ELMOD3: variants seen among roughly 807,000 people sequenced by gnomAD.
ELMOD3 encodes the protein ELMO domain-containing protein 3.
Under a neutral mutation model 47.4 loss-of-function variants are expected in ELMOD3, and 36 were observed. That is an observed-to-expected ratio of 0.76 (90% CI 0.58 to 1.00). The LOEUF is 1.00. ELMOD3 is among the 50% of genes least tolerant of loss of function. The probability of loss-of-function intolerance (pLI) is 0.00; values close to 1 mark genes in which losing one functional copy is unlikely to be tolerated. For missense variants in ELMOD3, 404 were observed against 463.8 expected, an observed-to-expected ratio of 0.87 and a Z score of 1.18; for synonymous variants, 149 against 183.5, an observed-to-expected ratio of 0.81 and a Z score of 1.52.
At chr2:85,373,259 T>TA (rs1263737270) in intron 10 of ELMOD3, among the ~76,000 whole-genome samples, 1 of 151,890 alleles carries the variant, frequency 6.6e-6, no homozygotes, top group African/African-American at 2.4e-5. Context: ...TCAAAAAATT[T>TA]TAAAAAAAAG....
intron 11 of ELMOD3, among the ~76,000 whole-genome samples, chr2:85,380,844 A>G (rs558355390): frequency 6.6e-6 from 1 of 152,186 alleles, no homozygotes; most frequent in East Asian, 1.9e-4. Context: ...TGATTATAAA[A>G]CCACCTTCTA....
intron 6 of ELMOD3, among the ~76,000 whole-genome samples, chr2:85,367,871 C>A (rs1449253458): frequency 6.6e-6 from 1 of 151,764 alleles, no homozygotes; most frequent in Non-Finnish European, 1.5e-5. Context: ...TGTGGAGAAT[C>A]CCTGGAGGGT....
At position 85,363,137 on chromosome 2, in the gene ELMOD3, C is replaced by T. The variant is rs1018383590; in HGVS notation, c.170C>T (p.Thr57Ile). 1 of 1,612,200 alleles carries T rather than the reference C, an allele frequency of 6.2e-7. No homozygotes were observed. The highest frequency in any genetic ancestry group is 1.3e-5 in the African/African-American group (1 of 74,850). ...LKNHGILQAL[T>I]TEAYEWEPRV... ...AACCATGGCATTCTCCAGGCTCTGA[C>T]CACAGAAGCTTATGAATGGGAGCCA... The change falls in exon 6 of 14, where the codon ACC becomes ATC. Residue 57 changes from threonine (T) to isoleucine (I), a missense_variant. Coordinates refer to ENST00000409013, the MANE Select transcript of ELMOD3 (RefSeq NM_001135022.2).
In ELMOD3 at chr2:85,371,084, A is replaced by C. The variant is rs755795191; in HGVS notation, c.361-2A>C. 8 of 1,613,674 alleles carry C rather than the reference A, an allele frequency of 5.0e-6. No individual in the cohort carries two copies. Among genetic ancestry groups the C allele is most frequent in the Non-Finnish European group, 5.9e-6 (7 of 1,179,626 alleles). On this transcript the variant is annotated splice_acceptor_variant, in intron 8 of 13. Coordinates refer to ENST00000409013, the MANE Select transcript of ELMOD3 (RefSeq NM_001135022.2). LOFTEE classifies it high-confidence loss of function. The stretch of plus-strand genomic sequence containing the variant: ...GCCCATTGCCTGCAACTTCTTCCCC[A>C]GAAAAGAATCCAGCCAACTATTCGA...
At chr2:85,379,244 C>T (rs914695667) in intron 11 of ELMOD3, among the ~76,000 whole-genome samples, 1 of 152,162 alleles carries the variant, frequency 6.6e-6, no homozygotes, top group African/African-American at 2.4e-5. Context: ...TCGCTGTGTC[C>T]TGTTGCCCAG....
At chr2:85,374,492 C>A (rs998926352) in intron 10 of ELMOD3, among the ~76,000 whole-genome samples, 4 of 152,136 alleles carry the variant, frequency 2.6e-5, no homozygotes, top group Non-Finnish European at 5.9e-5. Flanking sequence ...CAGGCCTGTG[C>A]CACCACACCC....
chr2:85,360,428 G>T (rs996675209), intron 4 of ELMOD3, among the ~76,000 whole-genome samples: 1 of 150,364 alleles, frequency 6.7e-6, no homozygotes, highest in Non-Finnish European at 1.5e-5. Context: ...ATCTCAGCTC[G>T]CTGCAACTTC....
rs1241500417 is a variant in ELMOD3, at chr2:85,368,714, A to G, written c.228A>G (p.Gln76=). The G allele has an allele frequency of 5.6e-6, 9 of 1,614,000 alleles. No homozygotes were observed. The highest frequency in any genetic ancestry group is 7.6e-6 in the Non-Finnish European group (9 of 1,180,020). ...RVVSTEVVRA[Q]EEWEAVDTIQ... ...TGAGTACAGAGGTGGTCAGAGCCCA[A>G]GAAGAATGGGAAGCTGTGGACACCA... The change falls in exon 7 of 14, where the codon CAA becomes CAG. Residue 76 remains glutamine, a synonymous_variant. Coordinates refer to ENST00000409013, the MANE Select transcript of ELMOD3 (RefSeq NM_001135022.2).
rs538554983 is a variant in ELMOD3, at chr2:85,360,192, G to A, written c.55-1994G>A. Among the ~76,000 whole-genome samples the A allele has an allele frequency of 4.0e-5, 6 of 150,612 alleles. No individual in the cohort carries two copies. The South Asian group carries it at 1.3e-3, about 32-fold the overall frequency. ...GAGGCAGGAGAATCACTTGAACCTG[G>A]GAGGCATAGGTTGAGGTGAGCCGAG... On this transcript the variant is annotated intron_variant, in intron 4 of 13. Coordinates refer to ENST00000409013, the MANE Select transcript of ELMOD3 (RefSeq NM_001135022.2).
intron 13 of ELMOD3, chr2:85,390,558 A>ACC: frequency 6.4e-7 from 1 of 1,563,116 alleles, no homozygotes. Context: ...TTGTGCAGAC[A>ACC]AGGTAGAGTG....
intron 11 of ELMOD3, among the ~76,000 whole-genome samples, chr2:85,378,646 G>A (rs1230230996): frequency 6.6e-6 from 1 of 152,192 alleles, no homozygotes; most frequent in Non-Finnish European, 1.5e-5. Flanking sequence ...GTGAGCAGAG[G>A]GGCAACTTTG....
chr2:85,380,294 G>A (rs183996974), intron 11 of ELMOD3, among the ~76,000 whole-genome samples: 7 of 152,318 alleles, frequency 4.6e-5, no homozygotes, highest in Non-Finnish European at 1.5e-5. Flanking sequence ...TAGCTCAAAA[G>A]AGAAGTTTGA....
chr2:85,370,748 C>G (rs1227244164), intron 8 of ELMOD3, among the ~76,000 whole-genome samples: 1 of 152,200 alleles, frequency 6.6e-6, no homozygotes, highest in African/African-American at 2.4e-5. Flanking sequence ...TGGCATTTGT[C>G]TGACTGCCTG....
chr2:85,379,368 G>A (rs1457889644), intron 11 of ELMOD3, among the ~76,000 whole-genome samples: 3 of 152,032 alleles, frequency 2.0e-5, no homozygotes, highest in Admixed American at 6.5e-5. Flanking sequence ...CACCACGTCC[G>A]GCTAATTTTT....
In ELMOD3 at chr2:85,389,752, A is replaced by G. The variant is rs1305635911; in HGVS notation, c.740A>G (p.Gln247Arg). ...IFRLSRHHIQQFPFCLMSVNI... is the reference protein window; with the variant it reads ...IFRLSRHHIQRFPFCLMSVNI... ...TGACTGGGTGCCCCTCCATTCCAGCAATTCCCTTTCTGTTTGATGTCCGTG... is the reference window on the plus strand; with the variant it reads ...TGACTGGGTGCCCCTCCATTCCAGCGATTCCCTTTCTGTTTGATGTCCGTG... The change falls in exon 12 of 14, where the codon CAA becomes CGA. Residue 247 changes from glutamine to arginine, a missense_variant and splice_region_variant. Coordinates refer to ENST00000409013, the MANE Select transcript of ELMOD3 (RefSeq NM_001135022.2). The G allele has an allele frequency of 1.2e-6, 2 of 1,614,052 alleles. No homozygotes were observed. Among genetic ancestry groups the G allele is most frequent in the East Asian group, 4.5e-5 (2 of 44,882 alleles).
At chr2:85,378,884 T>C (rs760401761) in intron 11 of ELMOD3, among the ~76,000 whole-genome samples, 18 of 152,350 alleles carry the variant, frequency 1.2e-4, no homozygotes, top group Non-Finnish European at 2.5e-4. Context: ...CCCCGAGTTA[T>C]TAGGAAAGTT....
chr2:85,382,170 C>T (rs1023304002), intron 11 of ELMOD3, among the ~76,000 whole-genome samples: 2 of 128,564 alleles, frequency 1.6e-5, no homozygotes, highest in Non-Finnish European at 3.3e-5. Flanking sequence ...CTGGGTGCAG[C>T]GGCTCATGAG....
intron 4 of ELMOD3, among the ~76,000 whole-genome samples, chr2:85,358,017 C>T (rs1174209636): frequency 3.3e-5 from 5 of 152,232 alleles, no homozygotes; most frequent in South Asian, 2.1e-4. Flanking sequence ...CAGTGGCTCA[C>T]GCCTGTAATC....
chr2:85,362,291 G>T, intron 5 of ELMOD3, 31 bp downstream of exon 5: 1 of 1,325,844 alleles, frequency 7.5e-7, no homozygotes, highest in Non-Finnish European at 1.1e-6. Context: ...GGTACCTTCT[G>T]CCAGGGCTTT....
Sources: allele counts gnomAD v4.1 joint callset (sites outside exome capture counted in the v4.1 genomes callset), GRCh38; gene constraint gnomAD v4.1.1; transcripts MANE v1.5; gene names NCBI Gene and HGNC (gene_info 2026-07-23, HGNC 2026-07-21).